KMT2A: variants seen among roughly 807,000 people sequenced by gnomAD.
KMT2A encodes the protein lysine methyltransferase 2A, also known as histone-lysine N-methyltransferase 2A.
A neutral mutation model predicts 345.3 loss-of-function variants in KMT2A; 16 were observed. The observed-to-expected ratio is 0.05, with a 90% CI of 0.03 to 0.07. The LOEUF is 0.07. Ranked by LOEUF, KMT2A falls within the 10% of genes least tolerant of loss-of-function variation. The pLI is 1.00. For missense variants in KMT2A, 3,272 were observed against 4,841.6 expected, an observed-to-expected ratio of 0.68 and a Z score of 9.62; for synonymous variants, 1,599 against 1,778.6, an observed-to-expected ratio of 0.90 and a Z score of 2.54.
rs1303376896 is a variant in KMT2A at position 118,478,055 on chromosome 11, C to T, written c.3423C>T (p.Pro1141=). Residue 1141 remains proline (P), a synonymous_variant, in exon 5 of 36, where the codon CCC becomes CCT. Transcript: ENST00000534358. ...AACCTGTCACTAGAAACAAGGCACC[C>T]CAGGAACCTCCAGTAAAGAAAGGAC... ...PIKPVTRNKA[P]QEPPVKKGRR... 5.0e-6 allele frequency: 8 copies of T among 1,614,118 alleles called. No homozygotes were observed. Among genetic ancestry groups the T allele is most frequent in the Non-Finnish European group, 6.8e-6 (8 of 1,180,018 alleles).
chr11:118,487,589 A>G (rs1220878123), intron 10 of KMT2A, among the ~76,000 whole-genome samples: 1 of 152,206 alleles, frequency 6.6e-6, no homozygotes, highest in Non-Finnish European at 1.5e-5. Flanking sequence ...TACACATTTT[A>G]CCTGTAGATA....
rs1555048203 is a variant in KMT2A at position 118,506,063 on chromosome 11, C to A, written c.10171C>A (p.Gln3391Lys). 3 of 1,614,068 alleles carry A rather than the reference C, an allele frequency of 1.9e-6. No individual in the cohort carries two copies. In the African/African-American group the frequency reaches 4.0e-5, roughly 22 times the overall value. The stretch of plus-strand genomic sequence containing the variant: ...CAATCTTTTAATCAAAGCTAGCCAG[C>A]AGAGCCTGGGGATTCAGGACCAGCC... ...ISNLLIKASQQSLGIQDQPVA... is the reference protein window; with the variant it reads ...ISNLLIKASQKSLGIQDQPVA... Residue 3391 changes from glutamine to lysine, a missense_variant, in exon 27 of 36, where the codon CAG becomes AAG. By Grantham distance (53) the Gln-to-Lys change is moderately conservative (BLOSUM62 1). Coordinates refer to ENST00000534358, the MANE Select transcript of KMT2A (RefSeq NM_001197104.2).
In KMT2A at chr11:118,499,341, G is replaced by A. The variant is rs1227392834; in HGVS notation, c.6000G>A (p.Val2000=). 8.7e-6 allele frequency: 14 copies of A among 1,613,598 alleles called. No individual in the cohort carries two copies. Among genetic ancestry groups the A allele is most frequent in the Non-Finnish European group, 1.2e-5 (14 of 1,179,842 alleles). Residue 2000 remains valine, a synonymous_variant, in exon 23 of 36, where the codon GTG becomes GTA. Coordinates refer to ENST00000534358, the MANE Select transcript of KMT2A (RefSeq NM_001197104.2). ...ATGGATTTGAAGTTTTCAGAAGAGT[G>A]TTTGTGGACTTTGAAGGAATCAGCT... ...PENGFEVFRR[V]FVDFEGISLR...
chr11:118,479,846 G>A (rs1049123709), intron 5 of KMT2A, among the ~76,000 whole-genome samples: 1 of 152,132 alleles, frequency 6.6e-6, no homozygotes, highest in Non-Finnish European at 1.5e-5. Context: ...TATTAACATC[G>A]TAAGAGAGTA....
intron 1 of KMT2A, among the ~76,000 whole-genome samples, chr11:118,444,586 G>T (rs1353261470): frequency 6.6e-6 from 1 of 152,060 alleles, no homozygotes; most frequent in Non-Finnish European, 1.5e-5. Context: ...GTTTTGTTTG[G>T]TTTGTTTGAG....
intron 30 of KMT2A, among the ~76,000 whole-genome samples, chr11:118,511,733 C>T (rs1432285485): frequency 6.6e-6 from 1 of 152,140 alleles, no homozygotes; most frequent in Non-Finnish European, 1.5e-5. Context: ...CTTCTGTGTC[C>T]TCCAACAGAA....
chr11:118,489,719 TG>T, intron 11 of KMT2A, 72 bp from the exon 12 acceptor site: 2 of 1,219,604 alleles, frequency 1.6e-6, no homozygotes. Context: ...AAATGTGAAA[TG>T]GGGTACTAAG....
rs2134338444 is a variant in KMT2A at position 118,491,171 on chromosome 11, G to A, written c.4697-25G>A. The A allele has an allele frequency of 6.2e-7, 1 of 1,611,712 alleles. No individual in the cohort carries two copies. Among genetic ancestry groups the A allele is most frequent in the Non-Finnish European group, 8.5e-7 (1 of 1,178,976 alleles). On this transcript the variant is annotated intron_variant, in intron 13 of 35. Coordinates refer to ENST00000534358, the MANE Select transcript of KMT2A (RefSeq NM_001197104.2). This position sits in a 1 kb window ranked among gnomAD's most constrained non-coding sequence, Gnocchi z 4.2. ...ACACGGGTATGTGAGCCAAAGCACT[G>A]CTGTAAACTTTGCTTTGCTTTCAGG... is the stretch of plus-strand genomic sequence containing the variant.
chr11:118,443,262 C>T (rs1364376157), intron 1 of KMT2A, among the ~76,000 whole-genome samples: 1 of 152,082 alleles, frequency 6.6e-6, no homozygotes, highest in African/African-American at 2.4e-5. Context: ...CTGCAAAAAC[C>T]CTGAGGAAAT....
At chr11:118,466,463 A>T (rs1949845817) in intron 1 of KMT2A, among the ~76,000 whole-genome samples, 1 of 152,188 alleles carries the variant, frequency 6.6e-6, no homozygotes, top group South Asian at 2.1e-4. Context: ...GCCAAGAGAG[A>T]ATTTTTCTTA....
At position 118,503,261 on chromosome 11, in the gene KMT2A, A is replaced by G; in HGVS notation, c.7369A>G (p.Thr2457Ala). ...TTTTTTGGAACCTGGTCAGGTGACAACTGGTGAGGAAGGAAACTTGAAGCC... is the reference window on the plus strand; with the variant it reads ...TTTTTTGGAACCTGGTCAGGTGACAGCTGGTGAGGAAGGAAACTTGAAGCC... ...KSFLEPGQVT[T>A]GEEGNLKPEF... Residue 2457 changes from threonine (T) to alanine (A), a missense_variant, in exon 27 of 36, where the codon ACT becomes GCT. This residue lies in a region of KMT2A where 445 missense variants were observed against 500.9 expected (regional missense o/e 0.89). Transcript: ENST00000534358. This position sits in a 1 kb window ranked among gnomAD's most constrained non-coding sequence, Gnocchi z 5.3. The G allele has an allele frequency of 1.2e-6, 2 of 1,614,170 alleles. No individual in the cohort carries two copies. The highest frequency in any genetic ancestry group is 2.2e-5 in the East Asian group (1 of 44,880).
Position 118,491,403 on chromosome 11 carries a change from G to T in KMT2A, c.4819+85G>T. On this transcript the variant is annotated intron_variant, in intron 14 of 35. Transcript: ENST00000534358. This position sits in a 1 kb window ranked among gnomAD's most constrained non-coding sequence, Gnocchi z 4.2. ...TAGAGCACTTTAAACCTAAAATTATGGTTGTGTTGTTATTTGAAATCTCTA... is the reference window on the plus strand; with the variant it reads ...TAGAGCACTTTAAACCTAAAATTATTGTTGTGTTGTTATTTGAAATCTCTA... 9 of 1,290,872 alleles carry T rather than the reference G, an allele frequency of 7.0e-6. No individual in the cohort carries two copies. The highest frequency in any genetic ancestry group is 2.4e-5 in the East Asian group (1 of 41,046). 80.0% of individuals were successfully genotyped at this position (1,290,872 alleles called of 1,614,324 possible). A position where few individuals can be genotyped will look rare whatever the true frequency, so the allele number is the denominator to read the frequency against.
At position 118,472,262 on chromosome 11, in the gene KMT2A, A is replaced by G; in HGVS notation, c.1103A>G (p.Asp368Gly). The change falls in exon 3 of 36, where the codon GAT becomes GGT. Residue 368 changes from aspartate to glycine, a missense_variant. Physicochemically the swap from Asp to Gly is moderately conservative, Grantham distance 94. Transcript: ENST00000534358. Reference protein sequence around the residue: ...VRIIPSSKRTDATIAKQLLQR... With the variant: ...VRIIPSSKRTGATIAKQLLQR... ...ATTATTCCTTCTTCAAAAAGGACAG[A>G]TGCAACCATTGCTAAGCAACTCTTA... 6.2e-7 allele frequency: 1 copy of G among 1,614,174 alleles called. No homozygotes were observed. The highest frequency in any genetic ancestry group is 8.5e-7 in the Non-Finnish European group (1 of 1,180,028).
In KMT2A at chr11:118,514,012, TAA is replaced by T. The variant is rs1460610445; in HGVS notation, c.11146+1988_11146+1989del. Among the ~76,000 whole-genome samples the T allele has an allele frequency of 1.2e-4, 17 of 147,720 alleles. 1 individual carries two copies. In the South Asian group the frequency reaches 1.3e-3, roughly 11 times the overall value. On this transcript the variant is annotated intron_variant, in intron 31 of 35. Transcript: ENST00000534358. ...TTTTTAAAATTCTACCCCAAAAATA[TAA>T]GTCACATCCCTTTCTTTTTCTCTGA...
intron 1 of KMT2A, among the ~76,000 whole-genome samples, chr11:118,464,994 G>C (rs1555033774): frequency 1.3e-5 from 2 of 152,176 alleles, no homozygotes; most frequent in Non-Finnish European, 2.9e-5. Flanking sequence ...CAATGTCCCT[G>C]CTCATTCCTC....
intron 1 of KMT2A, among the ~76,000 whole-genome samples, chr11:118,437,814 C>T (rs1213685318): frequency 1.3e-5 from 2 of 152,104 alleles, no homozygotes; most frequent in East Asian, 3.9e-4. Context: ...TCCACTGTCC[C>T]CTAGGCTTAG....
At position 118,472,836 on chromosome 11, in the gene KMT2A, G is replaced by A. The variant is rs1308673879; in HGVS notation, c.1677G>A (p.Ser559=). The A allele has an allele frequency of 2.5e-6, 4 of 1,613,508 alleles. No individual in the cohort carries two copies. Among genetic ancestry groups the A allele is most frequent in the Admixed American group, 3.3e-5 (2 of 59,924 alleles). ...GTGCCCCCCAGCAGCAGACCTCCTC[G>A]TCTCCACCTCCACCTCTGCTGACTC... is the stretch of plus-strand genomic sequence containing the variant. ...LQSAPQQQTS[S]SPPPPLLTPP... Residue 559 remains serine (S), a synonymous_variant, in exon 3 of 36, where the codon TCG becomes TCA. Transcript: ENST00000534358.
intron 1 of KMT2A, chr11:118,449,032 T>C (rs1565262383): frequency 2.6e-5 from 4 of 152,212 alleles, no homozygotes; most frequent in Non-Finnish European, 5.9e-5. Context: ...CAAATTGTCT[T>C]ACGATTCTTT....
intron 3 of KMT2A, among the ~76,000 whole-genome samples, chr11:118,475,164 G>A (rs1950013239): frequency 6.6e-6 from 1 of 151,654 alleles, no homozygotes; most frequent in Non-Finnish European, 1.5e-5. Context: ...TAAACAAACA[G>A]ATTAGAAGCA....
Sources: allele counts gnomAD v4.1 joint callset (sites outside exome capture counted in the v4.1 genomes callset), GRCh38; gene constraint gnomAD v4.1.1; regional missense constraint gnomAD v4.1.1; non-coding constraint Gnocchi (gnomAD v3.1); transcripts MANE v1.5; gene names NCBI Gene and HGNC (gene_info 2026-07-23, HGNC 2026-07-21).